ABCA13: variants seen among roughly 807,000 people sequenced by gnomAD.
ABCA13 encodes the protein ATP binding cassette subfamily A member 13.
ABCA13 carries 476 observed loss-of-function variants against 478.7 expected under a neutral mutation model. The observed-to-expected ratio is 0.99, with a 90% CI of 0.92 to 1.07. The LOEUF (loss-of-function observed/expected upper bound fraction) is 1.07, where lower values mean the gene tolerates loss of function less well. Ranked by LOEUF, ABCA13 falls within the 50% of genes least tolerant of loss-of-function variation. The probability of loss-of-function intolerance (pLI) is 0.00; values close to 1 mark genes in which losing one functional copy is unlikely to be tolerated. For missense variants in ABCA13, 6,060 were observed against 5,910.6 expected (o/e 1.03, Z -0.83); for synonymous variants, 2,252 against 2,158.9 (o/e 1.04, Z -1.20).
chr7:48,448,348 C>G (rs1366420185), intron 42 of ABCA13, among the ~76,000 whole-genome samples: 1 of 152,150 alleles, frequency 6.6e-6, no homozygotes, highest in Non-Finnish European at 1.5e-5. Context: ...TAGTATAAGC[C>G]CTTTAGTGAT....
chr7:48,485,183 T>G (rs1445115408), intron 47 of ABCA13, among the ~76,000 whole-genome samples: 5 of 152,182 alleles, frequency 3.3e-5, no homozygotes, highest in Non-Finnish European at 7.4e-5. Context: ...TTTTTCATAG[T>G]TCTGTTCTCC....
intron 30 of ABCA13, among the ~76,000 whole-genome samples, chr7:48,351,171 A>G (rs1808917868): frequency 6.6e-6 from 1 of 152,182 alleles, no homozygotes. Context: ...TTATACTCTA[A>G]TTTCCTGCAT....
chr7:48,357,781 A>G (rs1810162472), intron 31 of ABCA13, among the ~76,000 whole-genome samples: 1 of 151,898 alleles, frequency 6.6e-6, no homozygotes, highest in Admixed American at 6.5e-5. Context: ...GCCACTTGCT[A>G]CTTTTAAGCA....
intron 23 of ABCA13, among the ~76,000 whole-genome samples, chr7:48,303,797 A>G (rs1800507198): frequency 6.6e-6 from 1 of 152,074 alleles, no homozygotes; most frequent in Non-Finnish European, 1.5e-5. Context: ...GCAAAGTATC[A>G]TTTTTTTCTC....
chr7:48,341,858 T>TATATATATATATATTTCTG, intron 29 of ABCA13, among the ~76,000 whole-genome samples: 1 of 86,702 alleles, frequency 1.2e-5, no homozygotes, highest in South Asian at 4.1e-4. Flanking sequence ...ATCTTTCTGA[T>TATATATATATATATTTCTG]ATATATATAT....
intron 7 of ABCA13, among the ~76,000 whole-genome samples, chr7:48,230,533 G>A (rs1018282009): frequency 9.2e-5 from 14 of 151,972 alleles, no homozygotes; most frequent in Non-Finnish European, 1.8e-4. Context: ...ATTTCTCTAA[G>A]GGAAATACAG....
intron 42 of ABCA13, among the ~76,000 whole-genome samples, chr7:48,438,015 T>C (rs2129157693): frequency 6.6e-6 from 1 of 152,216 alleles, no homozygotes; most frequent in Non-Finnish European, 1.5e-5. Context: ...GCACTCCTCC[T>C]TTAGTTTTCA....
intron 42 of ABCA13, among the ~76,000 whole-genome samples, chr7:48,439,151 C>G (rs188188953): frequency 6.6e-6 from 1 of 152,236 alleles, no homozygotes; most frequent in East Asian, 1.9e-4. Flanking sequence ...GGGCTGGGCA[C>G]AGCCCAACAA....
At chr7:48,544,732 T>C (rs1784663490) in intron 55 of ABCA13, among the ~76,000 whole-genome samples, 1 of 151,852 alleles carries the variant, frequency 6.6e-6, no homozygotes, top group South Asian at 2.1e-4. Context: ...TGTGAGCCAT[T>C]CTAGCAAATT....
chr7:48,303,586 A>G (rs1207425817), intron 23 of ABCA13, among the ~76,000 whole-genome samples: 2 of 152,134 alleles, frequency 1.3e-5, no homozygotes, highest in Non-Finnish European at 2.9e-5. Flanking sequence ...TTTATTGAAT[A>G]GGGAATCTTT....
chr7:48,244,605 T>A lies in ABCA13; in HGVS notation c.1292T>A (p.Leu431Ter), dbSNP rs771178084. The A allele has an allele frequency of 4.3e-6, 7 of 1,613,594 alleles. No homozygotes were observed. In the Admixed American group the frequency reaches 6.7e-5, roughly 15 times the overall value. ...CAGCATCTGTGGAAATTGCAAAGCT[T>A]GCTGCAAAACCTGCCCCAGTGGCCG... Reference protein sequence around the residue: ...ILQHLWKLQSLLQNLPQWPAL... With the variant: ...ILQHLWKLQS Residue 431 changes from leucine (L) to a stop codon, truncating the protein, a stop_gained, in exon 11 of 62, where the codon TTG becomes TAG. Transcript: ENST00000435803. LOFTEE classifies it high-confidence loss of function.
At chr7:48,323,428 G>A (rs1324174135) in intron 27 of ABCA13, among the ~76,000 whole-genome samples, 2 of 152,198 alleles carry the variant, frequency 1.3e-5, no homozygotes, top group Non-Finnish European at 2.9e-5. Flanking sequence ...CAAGCCCTCT[G>A]CCCGCTGCCA....
At chr7:48,385,766 A>G (rs985187430) in intron 35 of ABCA13, among the ~76,000 whole-genome samples, 1 of 151,958 alleles carries the variant, frequency 6.6e-6, no homozygotes, top group Non-Finnish European at 1.5e-5. Flanking sequence ...ACTAATTTAC[A>G]CTCCCACCAA....
intron 19 of ABCA13, among the ~76,000 whole-genome samples, chr7:48,283,361 T>G (rs73323707): frequency 0.029 from 4,487 of 152,130 alleles, 219 homozygotes; most frequent in African/African-American, 0.1. Context: ...TTTGTATTGA[T>G]AAGTGCTAGA....
intron 35 of ABCA13, among the ~76,000 whole-genome samples, chr7:48,381,574 C>A (rs557554496): frequency 1.3e-5 from 2 of 152,108 alleles, no homozygotes; most frequent in African/African-American, 4.8e-5. Flanking sequence ...CAGGTCTCCA[C>A]GCTCGAGTCA....
chr7:48,463,776 C>CGGAATGGAAT (rs199992643), intron 43 of ABCA13, among the ~76,000 whole-genome samples: 91 of 106,470 alleles, frequency 8.5e-4, no homozygotes, highest in African/African-American at 1.5e-3. Context: ...GGGAAAAGAA[C>CGGAATGGAAT]GGAATGGAAT....
intron 42 of ABCA13, among the ~76,000 whole-genome samples, chr7:48,440,365 T>C (rs10246994): frequency 0.3 from 45,262 of 152,040 alleles, 6,821 homozygotes; most frequent in East Asian, 0.38. Flanking sequence ...ACAGTATATA[T>C]AGAAGTCTGT....
At chr7:48,536,091 G>A (rs1833556819) in intron 55 of ABCA13, among the ~76,000 whole-genome samples, 1 of 152,182 alleles carries the variant, frequency 6.6e-6, no homozygotes, top group East Asian at 1.9e-4. Context: ...CACGATATGA[G>A]TCTTCACATG....
intron 55 of ABCA13, among the ~76,000 whole-genome samples, chr7:48,550,211 T>C (rs1419456647): frequency 2.0e-5 from 3 of 151,816 alleles, no homozygotes; most frequent in Non-Finnish European, 4.4e-5. Context: ...TTATAGAAAA[T>C]TCTGCGTTTC....
Sources: allele counts gnomAD v4.1 joint callset (sites outside exome capture counted in the v4.1 genomes callset), GRCh38; gene constraint gnomAD v4.1.1; transcripts MANE v1.5; gene names NCBI Gene and HGNC (gene_info 2026-07-23, HGNC 2026-07-21).